Variants in MAN2A1 observed in about 807,000 individuals in gnomAD.
MAN2A1 encodes the protein mannosidase alpha class 2A member 1.
Under a neutral mutation model 142.6 loss-of-function variants are expected in MAN2A1, and 76 were observed. The ratio of observed to expected loss-of-function variants is 0.53; its 90% CI spans 0.44 to 0.65. MAN2A1 has a LOEUF of 0.65. MAN2A1 is among the 30% of genes least tolerant of loss of function. MAN2A1 has a pLI of 0.00. For synonymous variants in MAN2A1, 559 were observed against 473.2 expected (o/e 1.18, Z -2.35); for missense variants, 1,311 against 1,365.1 (o/e 0.96, Z 0.62).
At chr5:109,865,402 T>C in intron 21 of MAN2A1, 1 of 424,524 alleles carries the variant, frequency 2.4e-6, no homozygotes. Context: ...TCCTAGGCCT[T>C]CTATTTCCAG....
chr5:109,702,315 TTGTGTGTGTG>T (rs34048618), intron 1 of MAN2A1, among the ~76,000 whole-genome samples: 39 of 144,144 alleles, frequency 2.7e-4, no homozygotes, highest in South Asian at 2.3e-3. Context: ...AGAACATAAA[TTGTGTGTGTG>T]TGTGTGTGTG....
intron 13 of MAN2A1, among the ~76,000 whole-genome samples, chr5:109,818,169 T>G (rs745449482): frequency 2.6e-5 from 4 of 152,082 alleles, no homozygotes; most frequent in Non-Finnish European, 5.9e-5. Flanking sequence ...AGACAGAATT[T>G]CGCTCTTGTT....
chr5:109,740,174 A>G (rs1752226286), intron 4 of MAN2A1, among the ~76,000 whole-genome samples: 1 of 152,200 alleles, frequency 6.6e-6, no homozygotes, highest in African/African-American at 2.4e-5. Flanking sequence ...GGAACTTACA[A>G]CGTCTCCTTA....
intron 20 of MAN2A1, chr5:109,863,394 A>G (rs1029003001): frequency 3.3e-5 from 5 of 152,218 alleles, no homozygotes; most frequent in Admixed American, 1.3e-4. Context: ...TGGAAAAGGA[A>G]AACCTGGTTT....
chr5:109,776,160 G>A (rs1753285860), intron 8 of MAN2A1, among the ~76,000 whole-genome samples: 1 of 150,884 alleles, frequency 6.6e-6, no homozygotes, highest in African/African-American at 2.4e-5. Context: ...ATATTGACAT[G>A]TAAAAGTAGA....
chr5:109,864,977 G>A (rs538059371), intron 20 of MAN2A1, 59 bp from the exon 21 acceptor site: 6 of 1,128,124 alleles, frequency 5.3e-6, no homozygotes, highest in Non-Finnish European at 8.1e-6. Flanking sequence ...GGTGTGTGAA[G>A]TACCATAAAT....
chr5:109,739,748 T>C (rs1752212632), intron 4 of MAN2A1, among the ~76,000 whole-genome samples: 1 of 152,128 alleles, frequency 6.6e-6, no homozygotes, highest in African/African-American at 2.4e-5. Flanking sequence ...GGGTACTAGT[T>C]ATTACTGGCT....
At chr5:109,713,953 T>G (rs1414107201) in intron 2 of MAN2A1, among the ~76,000 whole-genome samples, 179 bp downstream of exon 2, 1 of 152,162 alleles carries the variant, frequency 6.6e-6, no homozygotes, top group Non-Finnish European at 1.5e-5. Flanking sequence ...GTGATAAAAT[T>G]CCATAATTCT....
chr5:109,828,599 C>T (rs924553491), intron 16 of MAN2A1, among the ~76,000 whole-genome samples: 9 of 152,126 alleles, frequency 5.9e-5, no homozygotes, highest in Non-Finnish European at 1.3e-4. Flanking sequence ...ACGAGTATGT[C>T]GTGTACATTT....
intron 1 of MAN2A1, among the ~76,000 whole-genome samples, chr5:109,705,239 G>T (rs1411410061): frequency 6.6e-6 from 1 of 152,060 alleles, no homozygotes; most frequent in East Asian, 1.9e-4. Context: ...GCAAACTGCA[G>T]TCTTTTACTC....
chr5:109,817,583 G>A lies in MAN2A1; in HGVS notation c.2109+145G>A, dbSNP rs527973317. ...GTTGTAAATACCAGAGAGTTTAACT[G>A]GTGGGTCAAATGACACTAAAGGAAA... On this transcript the variant is annotated intron_variant, in intron 13 of 21. Coordinates refer to ENST00000261483, the MANE Select transcript of MAN2A1 (RefSeq NM_002372.4). The A allele has an allele frequency of 5.6e-6, 4 of 711,526 alleles. No homozygotes were observed. In the East Asian group the frequency reaches 1.1e-4, roughly 20 times the overall value. The allele number at this position is 711,526 out of a possible 1,614,324, so 44.1% of individuals were successfully genotyped here. A position where few individuals can be genotyped will look rare whatever the true frequency, so the allele number is the denominator to read the frequency against.
intron 12 of MAN2A1, among the ~76,000 whole-genome samples, chr5:109,805,405 T>C (rs561519631): frequency 6.6e-6 from 1 of 152,356 alleles, no homozygotes; most frequent in Non-Finnish European, 1.5e-5. Flanking sequence ...AAATGCTTTT[T>C]GCATTGTGAA....
intron 16 of MAN2A1, among the ~76,000 whole-genome samples, chr5:109,825,625 T>G (rs1396059305): frequency 6.6e-6 from 1 of 152,192 alleles, no homozygotes; most frequent in African/African-American, 2.4e-5. Context: ...ACTTGGAAAT[T>G]AATAGGCTCT....
intron 17 of MAN2A1, among the ~76,000 whole-genome samples, chr5:109,845,512 G>A (rs1057055085): frequency 2.6e-5 from 4 of 152,120 alleles, no homozygotes; most frequent in Non-Finnish European, 5.9e-5. Context: ...TACAAAAGCA[G>A]TTTGTTAGAT....
chr5:109,834,965 T>C (rs963485823), intron 16 of MAN2A1, among the ~76,000 whole-genome samples: 10 of 152,142 alleles, frequency 6.6e-5, no homozygotes, highest in African/African-American at 2.4e-4. Flanking sequence ...CTTTCAGATA[T>C]AAGTACAGTT....
At chr5:109,832,725 C>T (rs1238832199) in intron 16 of MAN2A1, among the ~76,000 whole-genome samples, 2 of 151,478 alleles carry the variant, frequency 1.3e-5, no homozygotes, top group East Asian at 2.0e-4. Context: ...GGCAGAGGGG[C>T]CCCCCCACTT....
chr5:109,770,372 G>T lies in MAN2A1; in HGVS notation c.1027G>T (p.Asp343Tyr). 1 of 1,613,618 alleles carries T rather than the reference G, an allele frequency of 6.2e-7. No homozygotes were observed. Among genetic ancestry groups the T allele is most frequent in the Non-Finnish European group, 8.5e-7 (1 of 1,179,684 alleles). ...RQNWDLGSVT[D>Y]ILCHMMPFYS... ...TATTTTAGATCTGGGATCTGTCACA[G>T]ATATTTTATGCCACATGATGCCCTT... is the stretch of plus-strand genomic sequence containing the variant. Residue 343 changes from aspartate to tyrosine, a missense_variant, in exon 7 of 22, where the codon GAT becomes TAT. Physicochemically the swap from Asp to Tyr is radical, Grantham distance 160. Around this residue, in one of 3 missense-constraint regions of MAN2A1, gnomAD observed 409 missense variants for 412.7 expected, o/e 0.99. Coordinates refer to ENST00000261483, the MANE Select transcript of MAN2A1 (RefSeq NM_002372.4).
At chr5:109,808,773 G>A (rs1754240498) in intron 12 of MAN2A1, among the ~76,000 whole-genome samples, 1 of 148,708 alleles carries the variant, frequency 6.7e-6, no homozygotes. Flanking sequence ...ATACAGTCTC[G>A]GCTCACTGTA....
intron 16 of MAN2A1, among the ~76,000 whole-genome samples, chr5:109,826,587 TC>T (rs1754767110): frequency 6.6e-6 from 1 of 152,212 alleles, no homozygotes; most frequent in African/African-American, 2.4e-5. Flanking sequence ...AGAGAGTCTT[TC>T]CTTAGTAATC....
Sources: allele counts gnomAD v4.1 joint callset (sites outside exome capture counted in the v4.1 genomes callset), GRCh38; gene constraint gnomAD v4.1.1; regional missense constraint gnomAD v4.1.1; transcripts MANE v1.5; gene names NCBI Gene and HGNC (gene_info 2026-07-23, HGNC 2026-07-21).